Variants in CRTAC1 observed in about 807,000 individuals in gnomAD.
CRTAC1 encodes cartilage acidic protein 1, also known as acidic secreted protein in cartilage.
A neutral mutation model predicts 67.8 loss-of-function variants in CRTAC1; 37 were observed. The ratio of observed to expected loss-of-function variants is 0.55; its 90% CI spans 0.42 to 0.72. CRTAC1 has a LOEUF of 0.72. Ranked by LOEUF, CRTAC1 falls within the 30% of genes least tolerant of loss-of-function variation. The probability of loss-of-function intolerance (pLI) is 0.00; values close to 1 mark genes in which losing one functional copy is unlikely to be tolerated. For synonymous variants in CRTAC1, 348 were observed against 371.0 expected, an observed-to-expected ratio of 0.94 and a Z score of 0.71; for missense variants, 780 against 931.6, an observed-to-expected ratio of 0.84 and a Z score of 2.12.
rs1842774695 is a variant in CRTAC1, at chr10:98,005,569, T to C, written c.224+5569A>G. On this transcript the variant is annotated intron_variant, in intron 2 of 14. Coordinates refer to ENST00000370597, the MANE Select transcript of CRTAC1 (RefSeq NM_018058.7). Reference sequence around the variant, plus strand: ...TTATTCGGATTTTGTTAAAAGCATATGTGAATGTGTGCATATATATATATT... The same window carrying C: ...TTATTCGGATTTTGTTAAAAGCATACGTGAATGTGTGCATATATATATATT... 6.6e-5 allele frequency among the ~76,000 whole-genome samples: 10 copies of C among 151,774 alleles called. No homozygotes were observed. The South Asian group carries it at 2.1e-3, about 31-fold the overall frequency.
chr10:97,972,619 T>C (rs2051733583), intron 2 of CRTAC1, among the ~76,000 whole-genome samples: 1 of 152,242 alleles, frequency 6.6e-6, no homozygotes. Context: ...GTTTATGCAG[T>C]GTTTTTCACT....
intron 2 of CRTAC1, among the ~76,000 whole-genome samples, chr10:97,999,371 A>G (rs1842645239): frequency 6.6e-6 from 1 of 152,200 alleles, no homozygotes; most frequent in Non-Finnish European, 1.5e-5. Context: ...ACCTGCTTTA[A>G]TCTCAGAGCA....
intron 4 of CRTAC1, among the ~76,000 whole-genome samples, chr10:97,921,985 T>C (rs2050846641): frequency 6.6e-6 from 1 of 151,292 alleles, no homozygotes; most frequent in Non-Finnish European, 1.5e-5. Flanking sequence ...TAGGACAGAG[T>C]GCATCTCTTT....
rs776814365 is a variant in CRTAC1, at chr10:97,865,618, G to A, written c.1916C>T (p.Ala639Val). The A allele has an allele frequency of 6.2e-7, 1 of 1,613,476 alleles. No individual in the cohort carries two copies. The highest frequency in any genetic ancestry group is 8.5e-7 in the Non-Finnish European group (1 of 1,179,672). ...GAGATCTCCATCTACGAGGACCGGTGCAGCAGTGGCAGCTCCAGCAGCGGC... is the reference window on the plus strand; with the variant it reads ...GAGATCTCCATCTACGAGGACCGGTACAGCAGTGGCAGCTCCAGCAGCGGC... ...AAAAAGAATA[A>V]PVLVDGDLNL... is the part of the protein sequence containing the mutation. The change falls in exon 15 of 15, where the codon GCA (alanine) becomes GTA (valine). Residue 639 changes from alanine (A) to valine (V), a missense_variant. Transcript: ENST00000370597.
intron 11 of CRTAC1, 75 bp from the exon 12 acceptor site, chr10:97,884,426 A>G: frequency 7.6e-7 from 1 of 1,317,158 alleles, no homozygotes; most frequent in Non-Finnish European, 1.1e-6. Context: ...AGCATCAACT[A>G]ATTCATCCAT....
At chr10:97,956,221 T>G (rs2051438483) in intron 2 of CRTAC1, among the ~76,000 whole-genome samples, 1 of 152,254 alleles carries the variant, frequency 6.6e-6, no homozygotes, top group African/African-American at 2.4e-5. Flanking sequence ...AATGTCAGCT[T>G]AGCACGTATT....
chr10:97,942,010 A>G (rs978628509), intron 2 of CRTAC1, among the ~76,000 whole-genome samples: 1 of 152,120 alleles, frequency 6.6e-6, no homozygotes, highest in African/African-American at 2.4e-5. Flanking sequence ...ACTCTCTTGC[A>G]GAATTGCTCC....
rs570687389 is a variant in CRTAC1 at position 97,873,527 on chromosome 10, C to T, written c.1819+6722G>A. 2.0e-5 allele frequency among the ~76,000 whole-genome samples: 3 copies of T among 152,278 alleles called. No homozygotes were observed. The South Asian group carries it at 6.2e-4, about 32-fold the overall frequency. On this transcript the variant is annotated intron_variant, in intron 14 of 14. Coordinates refer to ENST00000370597, the MANE Select transcript of CRTAC1 (RefSeq NM_018058.7). ...CCTAAACTTGTCCTTCTGCCATGGTCTCCATAAGCAGTTGGGGAAAGAGGA... is the reference window on the plus strand; with the variant it reads ...CCTAAACTTGTCCTTCTGCCATGGTTTCCATAAGCAGTTGGGGAAAGAGGA...
At chr10:97,869,901 C>T (rs1564870182) in intron 14 of CRTAC1, 1 of 152,314 alleles carries the variant, frequency 6.6e-6, no homozygotes, top group Non-Finnish European at 1.5e-5. Flanking sequence ...GGAGGCATCA[C>T]CACCTGGTTT....
At chr10:97,949,178 T>C (rs1031680024) in intron 2 of CRTAC1, among the ~76,000 whole-genome samples, 1 of 152,162 alleles carries the variant, frequency 6.6e-6, no homozygotes, top group Non-Finnish European at 1.5e-5. Context: ...AGAAGCTAGA[T>C]TAGCAAGTGA....
chr10:97,992,028 A>G (rs1038448223), intron 2 of CRTAC1, among the ~76,000 whole-genome samples: 1 of 152,234 alleles, frequency 6.6e-6, no homozygotes, highest in African/African-American at 2.4e-5. Flanking sequence ...GCCAGGCAGC[A>G]TCTCTGAGCC....
chr10:97,956,461 T>C (rs1169090838), intron 2 of CRTAC1, among the ~76,000 whole-genome samples: 1 of 152,216 alleles, frequency 6.6e-6, no homozygotes, highest in East Asian at 1.9e-4. Context: ...GGGTCAGTGT[T>C]CCTGAGGAAG....
chr10:97,952,653 G>A (rs559178421), intron 2 of CRTAC1, among the ~76,000 whole-genome samples: 195 of 151,938 alleles, frequency 1.3e-3, no homozygotes, highest in Middle Eastern at 6.8e-3. Flanking sequence ...AACCCCAGGT[G>A]GTTTTTATGT....
At chr10:97,959,048 T>G (rs1323798928) in intron 2 of CRTAC1, among the ~76,000 whole-genome samples, 3 of 152,184 alleles carry the variant, frequency 2.0e-5, no homozygotes, top group African/African-American at 4.8e-5. Flanking sequence ...CCGGCCATTA[T>G]GAGACTCTGT....
At chr10:97,866,783 AGT>A (rs2050031652) in intron 14 of CRTAC1, 1 of 151,992 alleles carries the variant, frequency 6.6e-6, no homozygotes, top group South Asian at 2.1e-4. Flanking sequence ...TGTGTGTATG[AGT>A]GTTCATGTGT....
intron 2 of CRTAC1, among the ~76,000 whole-genome samples, chr10:97,950,848 T>G (rs2051343585): frequency 6.6e-6 from 1 of 152,148 alleles, no homozygotes; most frequent in South Asian, 2.1e-4. Flanking sequence ...AGACAGTAAC[T>G]AGAGAGTGAC....
rs374777360 is a variant in CRTAC1 at position 97,986,048 on chromosome 10, C to T, written c.224+25090G>A. The stretch of plus-strand genomic sequence containing the variant: ...ATGCTGTTTATGTAGGTTCTGAGAG[C>T]GATCAAAGCTGCAATGTGTGGGAAA... On this transcript the variant is annotated intron_variant, in intron 2 of 14. Transcript: ENST00000370597. Among the ~76,000 whole-genome samples the T allele has an allele frequency of 9.9e-5, 15 of 152,112 alleles. 1 individual carries two copies. The highest frequency in any genetic ancestry group is 9.8e-4 in the Admixed American group (15 of 15,274).
Position 97,895,828 on chromosome 10 carries a change from C to G in CRTAC1, c.1317+57G>C, listed in dbSNP as rs2050449592. On this transcript the variant is annotated intron_variant, in intron 10 of 14. Coordinates refer to ENST00000370597, the MANE Select transcript of CRTAC1 (RefSeq NM_018058.7). The surrounding 1 kb of genome is among the most constrained non-coding windows in gnomAD (Gnocchi z 4.2). Reference sequence around the variant, plus strand: ...CCCCGGCACCTTGCCCTCACCAACTCAAGGTACCCGAGAGCACACAGGGCT... The same window carrying G: ...CCCCGGCACCTTGCCCTCACCAACTGAAGGTACCCGAGAGCACACAGGGCT... 2.7e-6 allele frequency: 4 copies of G among 1,471,142 alleles called. No individual in the cohort carries two copies. Among genetic ancestry groups the G allele is most frequent in the Non-Finnish European group, 2.8e-6 (3 of 1,055,682 alleles). 91.1% of individuals were successfully genotyped at this position (1,471,142 alleles called of 1,614,324 possible). A position where few individuals can be genotyped will look rare whatever the true frequency, so the allele number is the denominator to read the frequency against.
At chr10:97,945,053 G>A (rs1247385632) in intron 2 of CRTAC1, among the ~76,000 whole-genome samples, 1 of 152,208 alleles carries the variant, frequency 6.6e-6, no homozygotes, top group Non-Finnish European at 1.5e-5. Context: ...AAGCCCCTAA[G>A]TTTTCAGAAA....
Sources: gnomAD v4.1 joint callset for allele counts (sites outside exome capture counted in the v4.1 genomes callset) on GRCh38, gnomAD v4.1.1 for gene constraint, Gnocchi (gnomAD v3.1) non-coding constraint, MANE v1.5 for transcripts, NCBI Gene and HGNC (gene_info 2026-07-23, HGNC 2026-07-21) for gene names.